The following PRKAR1B variants were observed in gnomAD, a reference collection of about 807,000 sequenced individuals.
The protein encoded by PRKAR1B is cAMP-dependent protein kinase type I-beta regulatory subunit.
Under a neutral mutation model 46.5 loss-of-function variants are expected in PRKAR1B, and 22 were observed. That is an observed-to-expected ratio of 0.47 (90% CI 0.34 to 0.68). PRKAR1B has a LOEUF of 0.68. Among genes scored for constraint, PRKAR1B ranks in the 30% least tolerant of loss-of-function variants. The pLI, the probability that PRKAR1B is intolerant of heterozygous loss-of-function variation, is 0.01. For synonymous variants in PRKAR1B, 259 were observed against 217.7 expected (o/e 1.19, Z -1.67); for missense variants, 445 against 535.6 (o/e 0.83, Z 1.67).
chr7:660,914 C>CG, intron 4 of PRKAR1B, among the ~76,000 whole-genome samples: 1 of 134,346 alleles, frequency 7.4e-6, no homozygotes, highest in African/African-American at 2.9e-5. Flanking sequence ...TACTCTCCCC[C>CG]CATGGCACAG....
Position 662,848 on chromosome 7 carries a change from C to T in PRKAR1B, c.440+14381G>A, listed in dbSNP as rs545457506. Among the ~76,000 whole-genome samples the T allele has an allele frequency of 1.4e-3, 217 of 152,216 alleles. 2 individuals carry two copies. Among genetic ancestry groups the T allele is most frequent in the Non-Finnish European group, 2.5e-3 (169 of 68,044 alleles). ...GGGCCCCAGCCTCCAAAGCTCCCCC[C>T]ACCACCTGGGGCCCAGGCTCTCACC... On this transcript the variant is annotated intron_variant, in intron 4 of 10. Coordinates refer to ENST00000537384, the MANE Select transcript of PRKAR1B (RefSeq NM_001164760.2).
chr7:603,167 T>A (rs1307713897), intron 6 of PRKAR1B: 1 of 152,218 alleles, frequency 6.6e-6, no homozygotes, highest in South Asian at 2.1e-4. Flanking sequence ...GGAATTTAAC[T>A]GGAAGATTTG....
intron 9 of PRKAR1B, among the ~76,000 whole-genome samples, chr7:569,004 T>C (rs1779339785): frequency 6.7e-6 from 1 of 150,270 alleles, no homozygotes; most frequent in Non-Finnish European, 1.5e-5. Flanking sequence ...CTTTTTAGAG[T>C]TGTTATTTTT....
At chr7:641,243 C>T (rs1403432028) in intron 4 of PRKAR1B, among the ~76,000 whole-genome samples, 7 of 152,202 alleles carry the variant, frequency 4.6e-5, no homozygotes, top group African/African-American at 1.7e-4. Flanking sequence ...TGAGCCACCG[C>T]GCCCGGCCGG....
chr7:575,808 C>G (rs1290269636), intron 9 of PRKAR1B, among the ~76,000 whole-genome samples: 1 of 152,160 alleles, frequency 6.6e-6, no homozygotes, highest in Non-Finnish European at 1.5e-5. Flanking sequence ...TGCCTGGGCT[C>G]GAGTGATCCT....
chr7:645,660 G>C (rs1334833013), intron 4 of PRKAR1B, among the ~76,000 whole-genome samples: 1 of 152,124 alleles, frequency 6.6e-6, no homozygotes, highest in Non-Finnish European at 1.5e-5. Context: ...AAGTCTGGGA[G>C]GGCCTGGGAG....
chr7:697,889 G>A (rs1451564639), intron 2 of PRKAR1B, among the ~76,000 whole-genome samples: 2 of 122,980 alleles, frequency 1.6e-5, no homozygotes, highest in African/African-American at 6.0e-5. Flanking sequence ...GGAGAAAAGA[G>A]AAGGGAAGAG....
chr7:726,594 A>T, intron 1 of PRKAR1B: 1 of 679,690 alleles, frequency 1.5e-6, no homozygotes, highest in Non-Finnish European at 2.1e-6. Flanking sequence ...GCACAGGCCC[A>T]CGTGCGCACC....
chr7:642,276 A>C (rs1430863557), intron 4 of PRKAR1B, among the ~76,000 whole-genome samples: 1 of 152,200 alleles, frequency 6.6e-6, no homozygotes, highest in Non-Finnish European at 1.5e-5. Flanking sequence ...AACCATAAAC[A>C]GGCACAAGGG....
intron 4 of PRKAR1B, among the ~76,000 whole-genome samples, chr7:613,366 AG>A (rs1421376102): frequency 6.6e-6 from 1 of 152,044 alleles, no homozygotes; most frequent in Non-Finnish European, 1.5e-5. Flanking sequence ...CGTACGCTTA[AG>A]GGCAGACTTA....
chr7:647,954 C>T (rs1348560797), intron 4 of PRKAR1B, among the ~76,000 whole-genome samples: 2 of 151,084 alleles, frequency 1.3e-5, no homozygotes, highest in East Asian at 2.0e-4. Context: ...GCGACCAGCT[C>T]GAGCAACACA....
At chr7:711,229 A>T in intron 2 of PRKAR1B, 100 bp downstream of exon 2, 1 of 1,489,456 alleles carries the variant, frequency 6.7e-7, no homozygotes, top group Non-Finnish European at 9.2e-7. Flanking sequence ...TGGGGCACCC[A>T]GCCTTCGAGG....
chr7:619,177 C>T (rs1288353442), intron 4 of PRKAR1B, among the ~76,000 whole-genome samples: 3 of 152,104 alleles, frequency 2.0e-5, no homozygotes, highest in Admixed American at 1.3e-4. Context: ...AGCGAAGAGT[C>T]GGACGAAAGC....
Position 640,793 on chromosome 7 carries a change from CACACACACACACACAG to C in PRKAR1B, c.441-33357_441-33342del, listed in dbSNP as rs1463151797. ...ACACACACACACACACACACACACA[CACACACACACACACAG>C]ACACAAATGAAATACCACTTTGCAT... On this transcript the variant is annotated intron_variant, in intron 4 of 10. Coordinates refer to ENST00000537384, the MANE Select transcript of PRKAR1B (RefSeq NM_001164760.2). Among the ~76,000 whole-genome samples, 499 of 125,238 alleles carry C rather than the reference CACACACACACACACAG, an allele frequency of 4.0e-3. 5 individuals carry two copies. Among genetic ancestry groups the C allele is most frequent in the African/African-American group, 0.014 (435 of 31,940 alleles). 82.2% of individuals were successfully genotyped at this position (125,238 alleles called of 152,430 possible).
At chr7:690,797 AC>A (rs1365272289) in intron 2 of PRKAR1B, among the ~76,000 whole-genome samples, 6 of 152,106 alleles carry the variant, frequency 3.9e-5, no homozygotes, top group Admixed American at 2.6e-4. Flanking sequence ...GTAAAAAAAA[AC>A]AAAAAAACAC....
intron 2 of PRKAR1B, among the ~76,000 whole-genome samples, chr7:685,786 G>A (rs1583418138): frequency 6.6e-6 from 1 of 152,030 alleles, no homozygotes; most frequent in African/African-American, 2.4e-5. Flanking sequence ...ATTCATGTTT[G>A]TAGTTATAAC....
At chr7:695,581 T>G (rs1382889432) in intron 2 of PRKAR1B, among the ~76,000 whole-genome samples, 1 of 152,114 alleles carries the variant, frequency 6.6e-6, no homozygotes, top group East Asian at 1.9e-4. Flanking sequence ...CAGAGCCCAC[T>G]GGAGTCTGCA....
chr7:720,050 C>CT (rs34254216), intron 1 of PRKAR1B, among the ~76,000 whole-genome samples: 11,081 of 93,092 alleles, frequency 0.12, 824 homozygotes, highest in East Asian at 0.21. Context: ...CTGTGCAAGT[C>CT]TTTTTTTTTT....
chr7:619,157 G>A (rs1030836145), intron 4 of PRKAR1B, among the ~76,000 whole-genome samples: 22 of 152,268 alleles, frequency 1.4e-4, no homozygotes, highest in African/African-American at 5.1e-4. Flanking sequence ...AAAACACAGT[G>A]TCCACGCAGA....
Sources: gnomAD v4.1 joint callset for allele counts (sites outside exome capture counted in the v4.1 genomes callset) on GRCh38, gnomAD v4.1.1 for gene constraint, MANE v1.5 for transcripts, NCBI Gene and HGNC (gene_info 2026-07-23, HGNC 2026-07-21) for gene names.